The following PDE4D variants were observed in gnomAD, a reference collection of about 807,000 sequenced individuals.
PDE4D encodes 3',5'-cyclic-AMP phosphodiesterase 4D.
Under a neutral mutation model 87.4 loss-of-function variants are expected in PDE4D, and 24 were observed. That is an observed-to-expected ratio of 0.27 (90% CI 0.20 to 0.39). The LOEUF (loss-of-function observed/expected upper bound fraction) is 0.39. Ranked by LOEUF, PDE4D falls within the 10% of genes least tolerant of loss-of-function variation. The pLI is 1.00. For synonymous variants in PDE4D, 384 were observed against 383.2 expected (o/e 1.00, Z -0.02); for missense variants, 714 against 1,041.0 (o/e 0.69, Z 4.32).
chr5:59,080,278 G>A (rs913981089), intron 5 of PDE4D, among the ~76,000 whole-genome samples: 7 of 152,144 alleles, frequency 4.6e-5, no homozygotes, highest in African/African-American at 1.4e-4. Context: ...TGTGATGAAC[G>A]TGACCCTGGC....
intron 2 of PDE4D, among the ~76,000 whole-genome samples, chr5:60,066,109 T>G (rs993521773): frequency 1.3e-5 from 2 of 152,298 alleles, no homozygotes; most frequent in African/African-American, 2.4e-5. Flanking sequence ...GTTTCCTGAC[T>G]TTTTAATGAT....
intron 1 of PDE4D, among the ~76,000 whole-genome samples, chr5:59,683,481 A>G (rs543060717): frequency 6.6e-6 from 1 of 152,352 alleles, no homozygotes; most frequent in East Asian, 1.9e-4. Flanking sequence ...TCAACTAGTT[A>G]TAACTATTTT....
intron 11 of PDE4D, among the ~76,000 whole-genome samples, chr5:58,979,906 T>A (rs1744697145): frequency 6.6e-6 from 1 of 152,198 alleles, no homozygotes; most frequent in African/African-American, 2.4e-5. Context: ...TATTAAAGGT[T>A]ATTAATTTAA....
rs201205880 is a variant in PDE4D, at chr5:59,499,881, CAAAA to C, written c.456-283917_456-283914del. Among the ~76,000 whole-genome samples, 416 of 137,488 alleles carry C rather than the reference CAAAA, an allele frequency of 3.0e-3. 2 individuals are homozygous for C. The highest frequency in any genetic ancestry group is 0.01 in the African/African-American group (405 of 39,324). The allele number at this position is 137,488 out of a possible 152,430, so 90.2% of individuals were successfully genotyped here. ...TGATACAGATACTACTGAAAGTATT[CAAAA>C]AAAAAAAAAAATCAAGGAGGAGGAA... On this transcript the variant is annotated intron_variant, in intron 1 of 14. Transcript: ENST00000340635.
chr5:59,824,651 T>C (rs936402631), intron 1 of PDE4D, among the ~76,000 whole-genome samples: 2 of 152,200 alleles, frequency 1.3e-5, no homozygotes, highest in Non-Finnish European at 2.9e-5. Flanking sequence ...AAGTACTTAT[T>C]TAATAATGTA....
intron 1 of PDE4D, among the ~76,000 whole-genome samples, chr5:60,440,954 G>C (rs1745157009): frequency 6.6e-6 from 1 of 152,030 alleles, no homozygotes; most frequent in Admixed American, 6.6e-5. Context: ...AAACATGTAG[G>C]AAATTAACCA....
intron 1 of PDE4D, among the ~76,000 whole-genome samples, chr5:59,779,172 AAAAG>A (rs540886486): frequency 1.4e-3 from 217 of 152,262 alleles, no homozygotes; most frequent in African/African-American, 4.8e-3. Context: ...GGAAAAAAAA[AAAAG>A]AAAGAAATCC....
chr5:59,166,109 G>T (rs1781885485), intron 5 of PDE4D, among the ~76,000 whole-genome samples: 1 of 152,064 alleles, frequency 6.6e-6, no homozygotes, highest in Non-Finnish European at 1.5e-5. Flanking sequence ...AGCAGAGTTG[G>T]TTTTTTTGTA....
chr5:60,058,446 T>C (rs1380804749), intron 2 of PDE4D, among the ~76,000 whole-genome samples: 4 of 151,966 alleles, frequency 2.6e-5, no homozygotes, highest in Non-Finnish European at 5.9e-5. Flanking sequence ...ATTTATAAAT[T>C]ACAAAATCTT....
chr5:59,421,364 A>G (rs1481156694), intron 1 of PDE4D, among the ~76,000 whole-genome samples: 1 of 152,208 alleles, frequency 6.6e-6, no homozygotes, highest in Non-Finnish European at 1.5e-5. Context: ...CAACAAACAC[A>G]AAGACCTTTG....
At chr5:59,394,119 C>T (rs1349095504) in intron 1 of PDE4D, among the ~76,000 whole-genome samples, 2 of 136,342 alleles carry the variant, frequency 1.5e-5, no homozygotes, top group African/African-American at 2.9e-5. Context: ...TATACTGTGT[C>T]GTTTGAGCAG....
intron 1 of PDE4D, chr5:59,592,257 C>A (rs984186609): frequency 2.0e-6 from 1 of 503,270 alleles, no homozygotes; most frequent in Non-Finnish European, 2.6e-6. Flanking sequence ...TGACTTTCCA[C>A]TCCTGGCAAG....
At chr5:59,768,535 GC>G in intron 1 of PDE4D, 1 of 1,596,048 alleles carries the variant, frequency 6.3e-7, no homozygotes, top group Non-Finnish European at 8.5e-7. Flanking sequence ...TGTACAGCTG[GC>G]AAGAATCCAG....
intron 1 of PDE4D, among the ~76,000 whole-genome samples, chr5:59,548,547 C>T (rs1172022258): frequency 6.6e-6 from 1 of 151,944 alleles, no homozygotes; most frequent in Non-Finnish European, 1.5e-5. Flanking sequence ...TGGAGTCAAC[C>T]CTTAATTAAT....
intron 1 of PDE4D, among the ~76,000 whole-genome samples, chr5:59,542,807 C>T (rs535410940): frequency 6.6e-6 from 1 of 152,170 alleles, no homozygotes; most frequent in South Asian, 2.1e-4. Flanking sequence ...ATTTAGTATA[C>T]AGTATGTAAG....
intron 1 of PDE4D, among the ~76,000 whole-genome samples, chr5:59,711,833 G>A (rs1754243195): frequency 6.6e-6 from 1 of 152,056 alleles, no homozygotes; most frequent in Admixed American, 6.6e-5. Context: ...GTTATATAAT[G>A]TTCAGATCTT....
intron 1 of PDE4D, among the ~76,000 whole-genome samples, chr5:59,620,652 C>A (rs1830243981): frequency 6.6e-6 from 1 of 152,114 alleles, no homozygotes; most frequent in South Asian, 2.1e-4. Flanking sequence ...GCTATAAAAT[C>A]TTTCAACACT....
intron 1 of PDE4D, among the ~76,000 whole-genome samples, chr5:59,719,538 A>C (rs1022288674): frequency 2.0e-5 from 3 of 152,198 alleles, no homozygotes; most frequent in Non-Finnish European, 4.4e-5. Context: ...AAAATCATTG[A>C]ATACGTAACA....
At chr5:60,090,062 C>G (rs1160914449) in intron 2 of PDE4D, among the ~76,000 whole-genome samples, 1 of 152,054 alleles carries the variant, frequency 6.6e-6, no homozygotes, top group East Asian at 1.9e-4. Context: ...GATCTGACAG[C>G]TTCACTGCTG....
Sources: gnomAD v4.1 joint callset for allele counts (sites outside exome capture counted in the v4.1 genomes callset) on GRCh38, gnomAD v4.1.1 for gene constraint, MANE v1.5 for transcripts, NCBI Gene and HGNC (gene_info 2026-07-23, HGNC 2026-07-21) for gene names.